Variants in CWC27 observed in about 807,000 individuals in gnomAD.
CWC27 encodes the protein spliceosome-associated protein CWC27 homolog.
CWC27 carries 47 observed loss-of-function variants against 63.6 expected under a neutral mutation model. The ratio of observed to expected loss-of-function variants is 0.74; its 90% CI spans 0.58 to 0.94. The LOEUF is 0.94. CWC27 is among the 40% of genes least tolerant of loss of function. The pLI is 0.00. For missense variants in CWC27, 495 were observed against 554.3 expected, an observed-to-expected ratio of 0.89 and a Z score of 1.07; for synonymous variants, 175 against 179.8, an observed-to-expected ratio of 0.97 and a Z score of 0.22.
At chr5:64,892,265 T>A (rs944326367) in intron 11 of CWC27, among the ~76,000 whole-genome samples, 1 of 152,202 alleles carries the variant, frequency 6.6e-6, no homozygotes, top group African/African-American at 2.4e-5. Flanking sequence ...CAATTTGTCC[T>A]CCTATTACTA....
At chr5:64,858,230 C>T (rs1169579167) in intron 10 of CWC27, among the ~76,000 whole-genome samples, 2 of 144,490 alleles carry the variant, frequency 1.4e-5, no homozygotes, top group Admixed American at 7.1e-5. Context: ...GGGGCCGAGG[C>T]GGGCGGATCA....
intron 11 of CWC27, among the ~76,000 whole-genome samples, chr5:64,941,597 A>G (rs1191618811): frequency 6.6e-6 from 1 of 152,174 alleles, no homozygotes; most frequent in Admixed American, 6.5e-5. Context: ...CTTTATTCTC[A>G]CCTAACAATA....
At chr5:64,869,593 G>A (rs115900482) in intron 10 of CWC27, among the ~76,000 whole-genome samples, 2,536 of 152,158 alleles carry the variant, frequency 0.017, 68 homozygotes, top group African/African-American at 0.059. Flanking sequence ...GTCAGCTCTT[G>A]CATCCAGTCA....
At chr5:64,988,332 G>A (rs1025835544) in intron 13 of CWC27, among the ~76,000 whole-genome samples, 1 of 152,010 alleles carries the variant, frequency 6.6e-6, no homozygotes, top group African/African-American at 2.4e-5. Context: ...TGCAAGTTAA[G>A]ATTTGTATGA....
intron 11 of CWC27, among the ~76,000 whole-genome samples, chr5:64,889,405 A>G (rs1747165563): frequency 6.6e-6 from 1 of 152,228 alleles, no homozygotes; most frequent in South Asian, 2.1e-4. Context: ...ATTTCAAAAT[A>G]AAACAACGAA....
intron 10 of CWC27, among the ~76,000 whole-genome samples, chr5:64,853,889 A>G (rs913037692): frequency 6.6e-6 from 1 of 152,222 alleles, no homozygotes; most frequent in Non-Finnish European, 1.5e-5. Flanking sequence ...TGTTAGGTAT[A>G]TTCACATTGT....
intron 11 of CWC27, among the ~76,000 whole-genome samples, chr5:64,961,509 T>G (rs187908324): frequency 2.0e-5 from 3 of 152,220 alleles, no homozygotes; most frequent in Non-Finnish European, 4.4e-5. Context: ...CCCAAGATGC[T>G]TGTATTATAT....
chr5:64,805,665 A>G (rs1744644563), intron 10 of CWC27, among the ~76,000 whole-genome samples: 12 of 152,028 alleles, frequency 7.9e-5, no homozygotes, highest in Admixed American at 7.9e-4. Flanking sequence ...GTGTTCCTTA[A>G]ACTCCCAACT....
intron 10 of CWC27, among the ~76,000 whole-genome samples, chr5:64,810,524 A>G (rs929823115): frequency 2.0e-5 from 3 of 152,132 alleles, no homozygotes; most frequent in Non-Finnish European, 4.4e-5. Context: ...CAATCCATGA[A>G]TCCAGAATGG....
intron 11 of CWC27, among the ~76,000 whole-genome samples, chr5:64,929,688 A>AT (rs886205029): frequency 1.4e-4 from 21 of 151,628 alleles, no homozygotes; most frequent in Non-Finnish European, 8.8e-5. Context: ...GATGACTATA[A>AT]TTTTTTTTTA....
intron 7 of CWC27, among the ~76,000 whole-genome samples, chr5:64,798,479 A>G (rs975030944): frequency 6.6e-6 from 1 of 152,184 alleles, no homozygotes; most frequent in Non-Finnish European, 1.5e-5. Context: ...TTGCTTTTTC[A>G]TCACTCCTTA....
intron 2 of CWC27, among the ~76,000 whole-genome samples, chr5:64,777,885 A>G (rs1561400660): frequency 6.6e-6 from 1 of 152,170 alleles, no homozygotes; most frequent in African/African-American, 2.4e-5. Context: ...ATTTGTGGAC[A>G]TTGGAAATTC....
chr5:64,861,290 C>T (rs537934273), intron 10 of CWC27, among the ~76,000 whole-genome samples: 1 of 151,866 alleles, frequency 6.6e-6, no homozygotes, highest in South Asian at 2.1e-4. Context: ...TAATAAGGAT[C>T]AAGCCTCTTC....
chr5:64,972,343 G>A (rs1749141482), intron 12 of CWC27, among the ~76,000 whole-genome samples: 1 of 152,146 alleles, frequency 6.6e-6, no homozygotes, highest in Non-Finnish European at 1.5e-5. Flanking sequence ...AAAAGAGATA[G>A]GAAGCTAGCT....
chr5:64,938,482 T>C (rs1236935052), intron 11 of CWC27, among the ~76,000 whole-genome samples: 2 of 152,222 alleles, frequency 1.3e-5, no homozygotes, highest in Admixed American at 1.3e-4. Context: ...CCACTGTTAG[T>C]CTGATGGGCT....
intron 2 of CWC27, among the ~76,000 whole-genome samples, chr5:64,780,304 T>C (rs1291115177): frequency 6.6e-6 from 1 of 152,066 alleles, no homozygotes; most frequent in Non-Finnish European, 1.5e-5. Context: ...CATTCATCCA[T>C]TGATAGACAT....
At chr5:64,951,598 A>T (rs375383613) in intron 11 of CWC27, among the ~76,000 whole-genome samples, 1 of 151,922 alleles carries the variant, frequency 6.6e-6, no homozygotes, top group Non-Finnish European at 1.5e-5. Flanking sequence ...GAACATTTTC[A>T]TGATCTCAAA....
chr5:65,011,569 C>G (rs1283610212), intron 13 of CWC27, among the ~76,000 whole-genome samples: 3 of 152,186 alleles, frequency 2.0e-5, no homozygotes, highest in Admixed American at 6.5e-5. Context: ...GGAGATGTAA[C>G]AGGCTGGAGA....
chr5:64,884,413 A>G (rs1747016905), intron 10 of CWC27: 1 of 152,220 alleles, frequency 6.6e-6, no homozygotes, highest in African/African-American at 2.4e-5. Context: ...CACACATCGT[A>G]AGACCCAGCA....
Sources: allele counts gnomAD v4.1 joint callset (sites outside exome capture counted in the v4.1 genomes callset), GRCh38; gene constraint gnomAD v4.1.1; transcripts MANE v1.5; gene names NCBI Gene and HGNC (gene_info 2026-07-23, HGNC 2026-07-21).